MICU3: variants seen among roughly 807,000 people sequenced by gnomAD.
MICU3 encodes mitochondrial calcium uptake 3.
In MICU3, 62 loss-of-function variants were observed where a neutral mutation model predicts 66.5. The observed-to-expected ratio is 0.93, with a 90% CI of 0.76 to 1.15. MICU3 has a LOEUF of 1.15. MICU3 is among the 50% of genes most tolerant of loss of function. The pLI is 0.00. For missense variants in MICU3, 779 were observed against 664.4 expected (o/e 1.17, Z -1.90); for synonymous variants, 308 against 240.7 (o/e 1.28, Z -2.59).
At chr8:17,101,896 A>G in intron 9 of MICU3, among the ~76,000 whole-genome samples, 1 of 151,970 alleles carries the variant, frequency 6.6e-6, no homozygotes, top group Non-Finnish European at 1.5e-5. Context: ...AATACATAAT[A>G]ACAGCTAACA....
intron 3 of MICU3, among the ~76,000 whole-genome samples, chr8:17,072,065 C>A (rs1021642145): frequency 6.6e-6 from 1 of 150,894 alleles, no homozygotes; most frequent in Non-Finnish European, 1.5e-5. Context: ...GTAAGGGCCC[C>A]AAAATATTTA....
intron 13 of MICU3, among the ~76,000 whole-genome samples, chr8:17,117,203 C>T (rs944513069): frequency 4.6e-5 from 7 of 151,862 alleles, no homozygotes; most frequent in Non-Finnish European, 1.0e-4. Context: ...ACGTTGAACT[C>T]CTGGGCTCAA....
intron 1 of MICU3, among the ~76,000 whole-genome samples, chr8:17,044,606 A>G (rs184500559): frequency 1.2e-4 from 18 of 152,348 alleles, no homozygotes; most frequent in African/African-American, 2.9e-4. Flanking sequence ...TCCAAAAGCA[A>G]TGTGGATCTT....
intron 3 of MICU3, among the ~76,000 whole-genome samples, chr8:17,073,429 T>C (rs1819904271): frequency 6.6e-6 from 1 of 151,944 alleles, no homozygotes. Flanking sequence ...TAATGCCTGA[T>C]GATATGTCAC....
At chr8:17,138,378 A>G in the MICU3 span, among the ~76,000 whole-genome samples, 1 of 152,180 alleles carries the variant, frequency 6.6e-6, no homozygotes, top group Admixed American at 6.6e-5. Flanking sequence ...AGAACACAGA[A>G]CATACCTTCA....
At chr8:17,130,397 C>T in the MICU3 span, among the ~76,000 whole-genome samples, 1 of 151,868 alleles carries the variant, frequency 6.6e-6, no homozygotes, top group Non-Finnish European at 1.5e-5. Context: ...GTGGCGCATG[C>T]CTGTAATCCC....
At chr8:17,137,389 A>T in the MICU3 span, among the ~76,000 whole-genome samples, 10 of 152,004 alleles carry the variant, frequency 6.6e-5, no homozygotes, top group South Asian at 4.1e-4. Context: ...TAATTTTTTT[A>T]AATTTTATTT....
intron 5 of MICU3, among the ~76,000 whole-genome samples, chr8:17,083,485 A>G (rs1462955592): frequency 2.6e-5 from 4 of 152,076 alleles, no homozygotes; most frequent in Non-Finnish European, 4.4e-5. Flanking sequence ...CTTTTAAACT[A>G]TAAACTAAGT....
At chr8:17,125,786 A>T (rs1803390290), downstream of MICU3, among the ~76,000 whole-genome samples, 1 of 152,012 alleles carries the variant, frequency 6.6e-6, no homozygotes, top group Non-Finnish European at 1.5e-5. Context: ...TAATCCCAGT[A>T]CTTTGGGATG....
chr8:17,127,260 G>A (rs754324556), downstream of MICU3, among the ~76,000 whole-genome samples: 1 of 152,146 alleles, frequency 6.6e-6, no homozygotes. Context: ...TCTCAAGTAA[G>A]TGAGTATCTT....
chr8:17,087,217 A>C (rs947992233), intron 7 of MICU3, among the ~76,000 whole-genome samples, 182 bp downstream of exon 7: 1 of 152,054 alleles, frequency 6.6e-6, no homozygotes, highest in Non-Finnish European at 1.5e-5. Flanking sequence ...ATTTACTTCA[A>C]ATATTGATAT....
chr8:17,068,244 G>C (rs887967544), intron 2 of MICU3, among the ~76,000 whole-genome samples: 1 of 151,988 alleles, frequency 6.6e-6, no homozygotes, highest in African/African-American at 2.4e-5. Context: ...AATCTTAATG[G>C]CTCTTTAGTC....
the MICU3 span, among the ~76,000 whole-genome samples, chr8:17,136,445 A>G: frequency 4.6e-5 from 7 of 152,182 alleles, no homozygotes; most frequent in East Asian, 1.4e-3. Context: ...CCCATGTCAG[A>G]AGGGCTCCAC....
chr8:17,042,451 A>G (rs1250168131), intron 1 of MICU3, among the ~76,000 whole-genome samples: 1 of 152,222 alleles, frequency 6.6e-6, no homozygotes, highest in African/African-American at 2.4e-5. Flanking sequence ...GAAAATGCCT[A>G]GTCATTTGTG....
intron 11 of MICU3, among the ~76,000 whole-genome samples, chr8:17,106,798 C>T (rs1165636234): frequency 1.4e-5 from 2 of 140,642 alleles, no homozygotes; most frequent in Non-Finnish European, 2.9e-5. Flanking sequence ...CTTTCTTCAG[C>T]ATATTTTAGA....
chr8:17,103,609 A>G (rs1801473932), intron 9 of MICU3, among the ~76,000 whole-genome samples: 1 of 151,226 alleles, frequency 6.6e-6, no homozygotes, highest in African/African-American at 2.4e-5. Context: ...AGGGAAGGAG[A>G]GAAAAGGAAG....
intron 1 of MICU3, among the ~76,000 whole-genome samples, chr8:17,048,775 C>A (rs755766580): frequency 6.6e-6 from 1 of 151,942 alleles, no homozygotes; most frequent in Non-Finnish European, 1.5e-5. Context: ...TCACCACACC[C>A]AGCTGATACA....
At chr8:17,105,686 A>G (rs990601566) in intron 11 of MICU3, 102 bp downstream of exon 11, 2 of 593,076 alleles carry the variant, frequency 3.4e-6, no homozygotes, top group Admixed American at 8.0e-5. Flanking sequence ...CTGTGGATTA[A>G]AAGATATCTT....
Position 17,122,629 on chromosome 8 carries a change from C to T in MICU3, c.*2342C>T, listed in dbSNP as rs1205607930. On this transcript the variant is annotated 3_prime_UTR_variant, in exon 15 of 15. Coordinates refer to ENST00000318063, the MANE Select transcript of MICU3 (RefSeq NM_181723.3). The stretch of plus-strand genomic sequence containing the variant: ...TTATCTTAAAATAAATATTTCTGCC[C>T]TTGAATCAAGAAACATTGTACTTGG... The T allele has an allele frequency of 1.3e-5, 2 of 151,904 alleles. No individual in the cohort carries two copies. Among genetic ancestry groups the T allele is most frequent in the Non-Finnish European group, 2.9e-5 (2 of 67,820 alleles). 9.4% of individuals were successfully genotyped at this position (151,904 alleles called of 1,614,324 possible).
Sources: allele counts gnomAD v4.1 joint callset (sites outside exome capture counted in the v4.1 genomes callset), GRCh38; gene constraint gnomAD v4.1.1; transcripts MANE v1.5; gene names NCBI Gene and HGNC (gene_info 2026-07-23, HGNC 2026-07-21).